BMPR1A: variants seen among roughly 807,000 people sequenced by gnomAD.
BMPR1A encodes bone morphogenetic protein receptor type-1A.
In BMPR1A, 7 loss-of-function variants were observed where a neutral mutation model predicts 66.0. That is an observed-to-expected ratio of 0.11 (90% CI 0.06 to 0.20). The LOEUF is 0.20. Ranked by LOEUF, BMPR1A falls within the 10% of genes least tolerant of loss-of-function variation. BMPR1A has a pLI of 1.00. For missense variants in BMPR1A, 408 were observed against 669.1 expected, an observed-to-expected ratio of 0.61 and a Z score of 4.31; for synonymous variants, 200 against 229.7, an observed-to-expected ratio of 0.87 and a Z score of 1.17.
At chr10:86,788,795 T>C (rs556735233) in intron 1 of BMPR1A, among the ~76,000 whole-genome samples, 3 of 152,044 alleles carry the variant, frequency 2.0e-5, no homozygotes, top group South Asian at 2.1e-4. Context: ...TTAGTAGAGA[T>C]AGGGTTTCAT....
chr10:86,788,859 A>C (rs1338634746), intron 1 of BMPR1A, among the ~76,000 whole-genome samples: 2 of 152,092 alleles, frequency 1.3e-5, no homozygotes, highest in African/African-American at 4.8e-5. Flanking sequence ...CACCCACCTC[A>C]GTCTCCCAAA....
chr10:86,760,054 C>T (rs1202415659), intron 1 of BMPR1A, among the ~76,000 whole-genome samples: 2 of 127,072 alleles, frequency 1.6e-5, no homozygotes, highest in Non-Finnish European at 3.1e-5. Flanking sequence ...CTTCACTTTT[C>T]TCCTTTATCT....
chr10:86,794,816 A>G (rs1294137500), intron 1 of BMPR1A, among the ~76,000 whole-genome samples: 1 of 150,244 alleles, frequency 6.7e-6, no homozygotes, highest in Non-Finnish European at 1.5e-5. Flanking sequence ...ATTTATCTAT[A>G]TCTATATCTA....
chr10:86,766,185 T>G (rs1841159791), intron 1 of BMPR1A, among the ~76,000 whole-genome samples: 1 of 151,994 alleles, frequency 6.6e-6, no homozygotes, highest in Admixed American at 6.6e-5. Context: ...GGAGGTGGGA[T>G]CTCACCATGA....
intron 2 of BMPR1A, among the ~76,000 whole-genome samples, chr10:86,858,510 G>A (rs971548346): frequency 6.6e-6 from 1 of 152,138 alleles, no homozygotes; most frequent in Non-Finnish European, 1.5e-5. Context: ...GGAGGAAGTC[G>A]AATTGCCACG....
intron 2 of BMPR1A, among the ~76,000 whole-genome samples, chr10:86,842,359 C>A (rs551457748): frequency 1.3e-5 from 2 of 152,278 alleles, no homozygotes; most frequent in African/African-American, 4.8e-5. Context: ...TCCATACTCA[C>A]AGAAGGCAAG....
At chr10:86,866,399 C>CTTTT (rs1048293127) in intron 2 of BMPR1A, among the ~76,000 whole-genome samples, 206 of 69,430 alleles carry the variant, frequency 3.0e-3, no homozygotes, top group Non-Finnish European at 4.5e-3. Context: ...AAGTTTCTTT[C>CTTTT]TTTTTTTTTT....
chr10:86,913,417 C>T lies in BMPR1A; in HGVS notation c.675+1033C>T, dbSNP rs556178992. 5.9e-5 allele frequency among the ~76,000 whole-genome samples: 9 copies of T among 151,670 alleles called. No individual in the cohort carries two copies. In the South Asian group the frequency reaches 1.0e-3, roughly 18 times the overall value. Reference sequence around the variant, plus strand: ...TGCTGGGATTACAGGTGTGAACCACCGCACCCACCCTGATCTCTAATTTTG... The same window carrying T: ...TGCTGGGATTACAGGTGTGAACCACTGCACCCACCCTGATCTCTAATTTTG... On this transcript the variant is annotated intron_variant, in intron 8 of 12. Transcript: ENST00000372037.
intron 2 of BMPR1A, chr10:86,855,962 T>G (rs1842634669): frequency 4.8e-6 from 3 of 628,530 alleles, no homozygotes; most frequent in Non-Finnish European, 8.9e-6. Flanking sequence ...CTATTTCTTT[T>G]CCAGAATGGC....
chr10:86,899,313 G>T (rs1283775857), intron 5 of BMPR1A, among the ~76,000 whole-genome samples: 1 of 152,222 alleles, frequency 6.6e-6, no homozygotes, highest in Non-Finnish European at 1.5e-5. Context: ...TCTGTAGTTT[G>T]TCCTTCCCTC....
At position 86,925,719 on chromosome 10, in the gene BMPR1A, A is replaced by ACCTTTTTTTTTTTTTTTTT. The variant is rs879569249; in HGVS notation, c.*2000_*2001insCCTTTTTTTTTTTTTTTTT. 8.1e-6 allele frequency: 1 copy of ACCTTTTTTTTTTTTTTTTT among 123,450 alleles called. No homozygotes were observed. The highest frequency in any genetic ancestry group is 5.2e-5 in the African/African-American group (1 of 19,226). The allele number at this position is 123,450 out of a possible 1,614,324, so 7.6% of individuals were successfully genotyped here. The stretch of plus-strand genomic sequence containing the variant: ...ACCATAATCTTTAAAATCATTTGTC[A>ACCTTTTTTTTTTTTTTTTT]TCTTTTTTTTTTTTTTTTTGAGACG... On this transcript the variant is annotated 3_prime_UTR_variant, in exon 13 of 13. Coordinates refer to ENST00000372037, the MANE Select transcript of BMPR1A (RefSeq NM_004329.3).
At chr10:86,908,710 G>A (rs1318613551) in intron 7 of BMPR1A, among the ~76,000 whole-genome samples, 2 of 152,108 alleles carry the variant, frequency 1.3e-5, no homozygotes, top group African/African-American at 2.4e-5. Flanking sequence ...TCACATTAGA[G>A]GACAGTTGGA....
intron 1 of BMPR1A, among the ~76,000 whole-genome samples, chr10:86,801,962 C>G (rs965534289): frequency 2.6e-5 from 4 of 152,070 alleles, no homozygotes; most frequent in African/African-American, 4.8e-5. Flanking sequence ...GATCTGCCCC[C>G]CTCCGCCTTC....
At chr10:86,757,340 A>C (rs1847889911) in intron 1 of BMPR1A, among the ~76,000 whole-genome samples, 1 of 151,450 alleles carries the variant, frequency 6.6e-6, no homozygotes, top group South Asian at 2.1e-4. Flanking sequence ...GCGGGGGTCG[A>C]GTGAGAGGAG....
intron 2 of BMPR1A, among the ~76,000 whole-genome samples, chr10:86,871,802 CAAA>C (rs35659562): frequency 6.5e-5 from 8 of 123,904 alleles, no homozygotes; most frequent in Admixed American, 2.4e-4. Context: ...ACTCTGCCTC[CAAA>C]AAAAAAAAAA....
Position 86,919,359 on chromosome 10 carries a change from C to A in BMPR1A, c.1056C>A (p.Thr352=). Reference sequence around the variant, plus strand: ...ACCTGCACACAGAAATTTATGGCACCCAAGGAAAGCCCGCAATTGCTCATC... The same window carrying A: ...ACCTGCACACAGAAATTTATGGCACACAAGGAAAGCCCGCAATTGCTCATC... ...LCHLHTEIYG[T]QGKPAIAHRD... The change falls in exon 10 of 13, where the codon ACC becomes ACA. Residue 352 remains threonine (T), a synonymous_variant. Coordinates refer to ENST00000372037, the MANE Select transcript of BMPR1A (RefSeq NM_004329.3). 6.2e-7 allele frequency: 1 copy of A among 1,613,106 alleles called. No individual in the cohort carries two copies. The highest frequency in any genetic ancestry group is 1.3e-5 in the African/African-American group (1 of 74,980).
intron 1 of BMPR1A, among the ~76,000 whole-genome samples, chr10:86,789,668 A>G (rs1014838960): frequency 6.6e-6 from 1 of 151,142 alleles, no homozygotes; most frequent in East Asian, 2.0e-4. Context: ...AGCCAAAATC[A>G]TGCCACTGCA....
chr10:86,855,669 A>G, intron 2 of BMPR1A: 1 of 697,988 alleles, frequency 1.4e-6, no homozygotes, highest in Admixed American at 2.2e-5. Context: ...TCTAATTTGC[A>G]ATTGCCTAAC....
At chr10:86,902,678 C>T (rs1843330300) in intron 7 of BMPR1A, among the ~76,000 whole-genome samples, 2 of 152,216 alleles carry the variant, frequency 1.3e-5, no homozygotes, top group Non-Finnish European at 2.9e-5. Context: ...GTGAAGGATA[C>T]TGATCTCTGA....
Sources: allele counts gnomAD v4.1 joint callset (sites outside exome capture counted in the v4.1 genomes callset), GRCh38; gene constraint gnomAD v4.1.1; transcripts MANE v1.5; gene names NCBI Gene and HGNC (gene_info 2026-07-23, HGNC 2026-07-21).